The following RNF157 variants were observed in gnomAD, a reference collection of about 807,000 sequenced individuals.
RNF157 encodes the protein ring finger protein 157.
Under a neutral mutation model 88.3 loss-of-function variants are expected in RNF157, and 55 were observed. That is an observed-to-expected ratio of 0.62 (90% CI 0.50 to 0.78). The LOEUF (loss-of-function observed/expected upper bound fraction) is 0.78, where lower values mean the gene tolerates loss of function less well. Among genes scored for constraint, RNF157 ranks in the 30% least tolerant of loss-of-function variants. RNF157 has a pLI of 0.00. For synonymous variants in RNF157, 334 were observed against 341.2 expected (o/e 0.98, Z 0.23); for missense variants, 788 against 860.8 (o/e 0.92, Z 1.06).
At chr17:76,170,574 G>A (rs1358682089) in intron 3 of RNF157, among the ~76,000 whole-genome samples, 1 of 152,144 alleles carries the variant, frequency 6.6e-6, no homozygotes, top group Non-Finnish European at 1.5e-5. Flanking sequence ...AGTTCTGGCT[G>A]TGTGGTACAA....
chr17:76,156,988 G>GTC (rs1453303587), intron 13 of RNF157, among the ~76,000 whole-genome samples: 1 of 149,944 alleles, frequency 6.7e-6, no homozygotes, highest in African/African-American at 2.5e-5. Context: ...TTGAGATGGA[G>GTC]TCTCGCTCTG....
At chr17:76,153,865 T>C (rs1293505072) in intron 17 of RNF157, 2 of 173,210 alleles carry the variant, frequency 1.2e-5, no homozygotes, top group Non-Finnish European at 2.4e-5. Flanking sequence ...CCTGACCAGC[T>C]GCCAAATAGT....
intron 4 of RNF157, 25 bp from the exon 5 acceptor site, chr17:76,167,151 G>T (rs1217136071): frequency 3.2e-6 from 5 of 1,560,404 alleles, no homozygotes; most frequent in Non-Finnish European, 4.4e-6. Flanking sequence ...GGGAGGCAAA[G>T]CAAAAGTCAG....
chr17:76,176,903 C>G lies in RNF157; in HGVS notation c.208-3113G>C, dbSNP rs1598406189. Among the ~76,000 whole-genome samples, 1 of 152,134 alleles carries G rather than the reference C, an allele frequency of 6.6e-6. No individual in the cohort carries two copies. The highest frequency in any genetic ancestry group is 1.9e-4 in the East Asian group (1 of 5,184). Reference sequence around the variant, plus strand: ...CATTGGCGCAGCCACTGTGCCCACCCTGCCGAGGGTGCCAGGTTCCTGTGC... The same window carrying G: ...CATTGGCGCAGCCACTGTGCCCACCGTGCCGAGGGTGCCAGGTTCCTGTGC... On this transcript the variant is annotated intron_variant, in intron 2 of 18. Transcript: ENST00000269391. This position sits in a 1 kb window ranked among gnomAD's most constrained non-coding sequence, Gnocchi z 4.2.
rs2069433407 is a variant in RNF157 at position 76,194,125 on chromosome 17, T to C, written c.207+18239A>G. Among the ~76,000 whole-genome samples, 4 of 152,212 alleles carry C rather than the reference T, an allele frequency of 2.6e-5. No individual in the cohort carries two copies. The South Asian group carries it at 8.3e-4, about 31-fold the overall frequency. ...ATTCAGCCTTTTTGGTGTACAGTTC[T>C]GTGAATTTTGACAAACACACACAAC... On this transcript the variant is annotated intron_variant, in intron 2 of 18. Coordinates refer to ENST00000269391, the MANE Select transcript of RNF157 (RefSeq NM_052916.3).
In RNF157 at chr17:76,146,483, T is replaced by C; in HGVS notation, c.1922-1130A>G. On this transcript the variant is annotated intron_variant, in intron 18 of 18. Coordinates refer to ENST00000269391, the MANE Select transcript of RNF157 (RefSeq NM_052916.3). The surrounding 1 kb of genome is among the most constrained non-coding windows in gnomAD (Gnocchi z 4.2). ...CCAGTGAGGCTAGGGCGCTCCTGCC[T>C]TGGGCCTCGGCTGCCTCCACTCTCA... 1.0e-6 allele frequency: 1 copy of C among 985,752 alleles called. No individual in the cohort carries two copies. Among genetic ancestry groups the C allele is most frequent in the Non-Finnish European group, 1.2e-6 (1 of 830,182 alleles). The allele number at this position is 985,752 out of a possible 1,614,324, so 61.1% of individuals were successfully genotyped here.
chr17:76,186,423 C>T (rs1598413379), intron 2 of RNF157, among the ~76,000 whole-genome samples: 1 of 152,090 alleles, frequency 6.6e-6, no homozygotes, highest in Non-Finnish European at 1.5e-5. Context: ...AGGAGAAACA[C>T]TTGAACTGAG....
At chr17:76,239,245 T>C (rs920495177) in intron 1 of RNF157, among the ~76,000 whole-genome samples, 1 of 152,228 alleles carries the variant, frequency 6.6e-6, no homozygotes, top group Non-Finnish European at 1.5e-5. Context: ...GGCTAGGTCA[T>C]GCAATTCATA....
chr17:76,157,167 C>T lies in RNF157; in HGVS notation c.1414-846G>A, dbSNP rs189979486. 5.0e-3 allele frequency among the ~76,000 whole-genome samples: 757 copies of T among 152,278 alleles called. 10 individuals carry two copies. The highest frequency in any genetic ancestry group is 4.0e-3 in the Admixed American group (61 of 15,296). The stretch of plus-strand genomic sequence containing the variant: ...ATTTTTAGTAGAGACGGGGTTTCAC[C>T]ATGTTAGCCAGGATGGTCTCGATCT... On this transcript the variant is annotated intron_variant, in intron 13 of 18. Transcript: ENST00000269391. The surrounding 1 kb of genome is among the most constrained non-coding windows in gnomAD (Gnocchi z 5.6).
intron 2 of RNF157, 130 bp from the exon 3 acceptor site, chr17:76,173,920 G>A (rs984583189): frequency 1.8e-5 from 13 of 721,342 alleles, no homozygotes; most frequent in Non-Finnish European, 3.1e-5. Context: ...ATTAAGTGAG[G>A]AAACTGAAAC....
intron 8 of RNF157, chr17:76,163,840 C>A (rs1182231176): frequency 6.6e-6 from 1 of 152,246 alleles, no homozygotes; most frequent in Non-Finnish European, 1.5e-5. Flanking sequence ...CAGGTAGTGC[C>A]CTGGGCCTGA....
At chr17:76,168,970 C>T (rs761775134) in intron 3 of RNF157, among the ~76,000 whole-genome samples, 19 of 152,238 alleles carry the variant, frequency 1.2e-4, no homozygotes, top group Non-Finnish European at 2.5e-4. Flanking sequence ...GATCCTTCTT[C>T]TTCTGAAAGC....
intron 2 of RNF157, among the ~76,000 whole-genome samples, chr17:76,185,470 CCTTT>C (rs950005062): frequency 1.4e-5 from 2 of 145,736 alleles, no homozygotes; most frequent in African/African-American, 5.4e-5. Flanking sequence ...AGAGATTAGT[CCTTT>C]CTTTTTTTTT....
intron 1 of RNF157, among the ~76,000 whole-genome samples, chr17:76,238,234 C>CATAT (rs1267634786): frequency 5.3e-5 from 8 of 152,172 alleles, no homozygotes; most frequent in African/African-American, 1.9e-4. Context: ...CCGTCTAGAG[C>CATAT]ATATATGCAA....
At chr17:76,155,514 G>A in intron 15 of RNF157, 48 bp downstream of exon 15, 2 of 1,589,220 alleles carry the variant, frequency 1.3e-6, no homozygotes, top group Non-Finnish European at 1.7e-6. Flanking sequence ...CTTTGGACAT[G>A]TGCACAAAGA....
In RNF157 at chr17:76,158,497, T is replaced by C. The variant is rs191492206; in HGVS notation, c.1309A>G (p.Thr437Ala). 1 of 1,611,636 alleles carries C rather than the reference T, an allele frequency of 6.2e-7. No homozygotes were observed. The highest frequency in any genetic ancestry group is 8.5e-7 in the Non-Finnish European group (1 of 1,177,800). The change falls in exon 13 of 19, where the codon ACT becomes GCT. Residue 437 changes from threonine (T) to alanine (A), a missense_variant. Physicochemically the swap from Thr to Ala is moderately conservative, Grantham distance 58. Coordinates refer to ENST00000269391, the MANE Select transcript of RNF157 (RefSeq NM_052916.3). ...LKLKKSLSKS[T>A]SQNSSVLHEE... ...TGCAGCACGGAAGAGTTTTGGGAAG[T>C]GGATCTGTAGGAGTCCAGTGGAAAA...
intron 2 of RNF157, among the ~76,000 whole-genome samples, chr17:76,202,184 G>C (rs1038841459): frequency 3.9e-4 from 57 of 147,126 alleles, no homozygotes; most frequent in Admixed American, 2.9e-3. Flanking sequence ...GCATGAGAAA[G>C]ACACCCGTTC....
chr17:76,217,990 G>C (rs1327191882), intron 1 of RNF157, among the ~76,000 whole-genome samples: 2 of 152,156 alleles, frequency 1.3e-5, no homozygotes, highest in Non-Finnish European at 2.9e-5. Flanking sequence ...AAAAGTTCTA[G>C]ACATCTGTTG....
intron 13 of RNF157, 155 bp from the exon 14 acceptor site, chr17:76,156,476 C>G: frequency 1.4e-6 from 2 of 1,437,948 alleles, no homozygotes; most frequent in South Asian, 3.0e-5. Context: ...TTCTCTCTTC[C>G]GTCCTCACTT....
Sources: gnomAD v4.1 joint callset for allele counts (sites outside exome capture counted in the v4.1 genomes callset) on GRCh38, gnomAD v4.1.1 for gene constraint, Gnocchi (gnomAD v3.1) non-coding constraint, MANE v1.5 for transcripts, NCBI Gene and HGNC (gene_info 2026-07-23, HGNC 2026-07-21) for gene names.